Variants in ATXN7 observed in about 807,000 individuals in gnomAD.
ATXN7 encodes ataxin-7.
A neutral mutation model predicts 70.5 loss-of-function variants in ATXN7; 12 were observed. The observed-to-expected ratio is 0.17, with a 90% confidence interval of 0.11 to 0.28. The LOEUF (loss-of-function observed/expected upper bound fraction) is 0.28. Ranked by LOEUF, ATXN7 falls within the 10% of genes least tolerant of loss-of-function variation. The probability of loss-of-function intolerance (pLI) is 1.00; values close to 1 mark genes in which losing one functional copy is unlikely to be tolerated. For synonymous variants in ATXN7, 498 were observed against 448.7 expected (o/e 1.11, Z -1.39); for missense variants, 1,256 against 1,131.7 (o/e 1.11, Z -1.58).
chr3:63,998,009 A>G, intron 12 of ATXN7: 1 of 985,410 alleles, frequency 1.0e-6, no homozygotes, highest in Non-Finnish European at 1.2e-6. Context: ...TAAGCATAAC[A>G]GTCCAATATA....
intron 1 of ATXN7, among the ~76,000 whole-genome samples, 114 bp downstream of exon 1, chr3:63,864,272 A>G (rs1702333027): frequency 6.6e-6 from 1 of 150,766 alleles, no homozygotes; most frequent in African/African-American, 2.4e-5. Context: ...CCGCCGCCCC[A>G]TCCAGGGTGA....
intron 2 of ATXN7, among the ~76,000 whole-genome samples, chr3:63,906,892 A>T (rs188455629): frequency 6.6e-6 from 1 of 152,324 alleles, no homozygotes; most frequent in East Asian, 1.9e-4. Context: ...AGGCAAGGGC[A>T]AACTGTAGAG....
rs13272 is a variant in ATXN7 at position 64,000,494 on chromosome 3, A to G, written c.*1027A>G. 67,930 of 152,436 alleles carry G rather than the reference A, an allele frequency of 0.45. 16,779 individuals are homozygous for G. Among genetic ancestry groups the G allele is most frequent in the African/African-American group, 0.67 (27,699 of 41,434 alleles). The allele number at this position is 152,436 out of a possible 1,614,324, so 9.4% of individuals were successfully genotyped here. On this transcript the variant is annotated 3_prime_UTR_variant, in exon 13 of 13. Coordinates refer to ENST00000674280, the MANE Select transcript of ATXN7 (RefSeq NM_001377405.1). Reference sequence around the variant, plus strand: ...CTTAAATGTTTCCAAGGCACTCTCTACATTACCCTTGTTTTTCTCTTTGGA... The same window carrying G: ...CTTAAATGTTTCCAAGGCACTCTCTGCATTACCCTTGTTTTTCTCTTTGGA...
intron 1 of ATXN7, among the ~76,000 whole-genome samples, chr3:63,867,321 C>T (rs1213685446): frequency 6.6e-6 from 1 of 152,016 alleles, no homozygotes; most frequent in East Asian, 1.9e-4. Flanking sequence ...AGTTAGAATT[C>T]TTTTCTTTTC....
intron 4 of ATXN7, among the ~76,000 whole-genome samples, chr3:63,931,805 T>C (rs545952656): frequency 1.5e-4 from 23 of 152,240 alleles, no homozygotes; most frequent in African/African-American, 5.3e-4. Flanking sequence ...GTCATTTAGG[T>C]GACATGGGTG....
intron 5 of ATXN7, among the ~76,000 whole-genome samples, chr3:63,954,396 C>G (rs1168858060): frequency 6.6e-6 from 1 of 152,198 alleles, no homozygotes; most frequent in African/African-American, 2.4e-5. Flanking sequence ...CACCATTGGC[C>G]AGAACTGATG....
chr3:63,864,430 G>A (rs1702340107), intron 1 of ATXN7: 1 of 152,168 alleles, frequency 6.6e-6, no homozygotes, highest in Non-Finnish European at 1.5e-5. Flanking sequence ...CACGCGCGCT[G>A]GGGCGGGTCT....
intron 4 of ATXN7, among the ~76,000 whole-genome samples, chr3:63,945,396 G>C (rs942304370): frequency 6.6e-6 from 1 of 152,206 alleles, no homozygotes; most frequent in African/African-American, 2.4e-5. Context: ...ATCAGACATT[G>C]AAATACAGAA....
At chr3:63,945,823 G>A (rs778422502) in intron 4 of ATXN7, among the ~76,000 whole-genome samples, 21 of 152,142 alleles carry the variant, frequency 1.4e-4, no homozygotes, top group East Asian at 1.9e-4. Flanking sequence ...AGCTAAGACC[G>A]AATGAAGTAG....
Position 63,947,654 on chromosome 3 carries a change from G to A in ATXN7, c.395-4725G>A, listed in dbSNP as rs115500721. ...CCAAGGTCACGTTTCTTTTGATTGA[G>A]GGAACCAGGATTCAGAGTGATACTG... On this transcript the variant is annotated intron_variant, in intron 4 of 12. Transcript: ENST00000674280. Among the ~76,000 whole-genome samples the A allele has an allele frequency of 6.5e-3, 995 of 152,174 alleles. 12 individuals are homozygous for A. The highest frequency in any genetic ancestry group is 0.021 in the African/African-American group (877 of 41,520).
chr3:63,921,592 T>G (rs1348924305), intron 4 of ATXN7, among the ~76,000 whole-genome samples: 1 of 152,196 alleles, frequency 6.6e-6, no homozygotes, highest in Non-Finnish European at 1.5e-5. Context: ...CAGGGAACCC[T>G]GTTTCTGTGT....
intron 2 of ATXN7, among the ~76,000 whole-genome samples, chr3:63,910,579 A>C (rs979898759): frequency 6.6e-6 from 1 of 152,186 alleles, no homozygotes; most frequent in South Asian, 2.1e-4. Context: ...TAAAAGTTAG[A>C]AGGGAACTCT....
chr3:63,915,933 G>A (rs571621139), intron 4 of ATXN7, among the ~76,000 whole-genome samples: 12 of 152,046 alleles, frequency 7.9e-5, no homozygotes, highest in Admixed American at 4.6e-4. Flanking sequence ...TGATCCACCC[G>A]CCTCAGCCTC....
intron 4 of ATXN7, among the ~76,000 whole-genome samples, chr3:63,941,904 C>A (rs920384703): frequency 6.6e-6 from 1 of 152,172 alleles, no homozygotes; most frequent in African/African-American, 2.4e-5. Flanking sequence ...ATCATTGATG[C>A]TACTTTTGAT....
chr3:63,903,386 CAA>C (rs775558434), intron 2 of ATXN7, among the ~76,000 whole-genome samples: 3 of 49,572 alleles, frequency 6.1e-5, no homozygotes, highest in African/African-American at 7.9e-5. Context: ...GACTCCGTCT[CAA>C]AAAAAAAAAA....
chr3:63,994,450 G>C (rs570334349), intron 11 of ATXN7, among the ~76,000 whole-genome samples: 1 of 152,122 alleles, frequency 6.6e-6, no homozygotes, highest in South Asian at 2.1e-4. Flanking sequence ...GGCCAGGCTG[G>C]TCTCAAACTC....
intron 2 of ATXN7, among the ~76,000 whole-genome samples, chr3:63,903,053 C>G (rs921457125): frequency 6.6e-6 from 1 of 151,022 alleles, no homozygotes; most frequent in Non-Finnish European, 1.5e-5. Flanking sequence ...TTTGCATAGA[C>G]TTATCATCAT....
At chr3:63,956,420 CAAAAAA>C (rs1175948780) in intron 5 of ATXN7, among the ~76,000 whole-genome samples, 5 of 36,694 alleles carry the variant, frequency 1.4e-4, no homozygotes, top group African/African-American at 2.9e-4. Flanking sequence ...GACTGCATCT[CAAAAAA>C]AAAAAAAAAA....
chr3:63,993,841 TG>T (rs1361026558), intron 11 of ATXN7, among the ~76,000 whole-genome samples: 2 of 152,160 alleles, frequency 1.3e-5, no homozygotes, highest in East Asian at 3.9e-4. Flanking sequence ...CAGTAGGGCC[TG>T]GACTTCATTT....
Sources: gnomAD v4.1 joint callset for allele counts (sites outside exome capture counted in the v4.1 genomes callset) on GRCh38, gnomAD v4.1.1 for gene constraint, MANE v1.5 for transcripts, NCBI Gene and HGNC (gene_info 2026-07-23, HGNC 2026-07-21) for gene names.